GOLGA7B: variants seen among roughly 807,000 people sequenced by gnomAD.
GOLGA7B encodes golgin subfamily A member 7B.
A neutral mutation model predicts 21.5 loss-of-function variants in GOLGA7B; 17 were observed. That is an observed-to-expected ratio of 0.79 (90% CI 0.54 to 1.19). GOLGA7B has a LOEUF of 1.19. Among genes scored for constraint, GOLGA7B ranks in the 50% most tolerant of loss-of-function variants. The pLI, the probability that GOLGA7B is intolerant of heterozygous loss-of-function variation, is 0.00. For missense variants in GOLGA7B, 169 were observed against 224.4 expected (o/e 0.75, Z 1.58); for synonymous variants, 87 against 84.0 (o/e 1.04, Z -0.19).
rs1015763145 is a variant in GOLGA7B, at chr10:97,870,026, C to T, written c.*4326C>T. 1 of 152,168 alleles carries T rather than the reference C, an allele frequency of 6.6e-6. No homozygotes were observed. The highest frequency in any genetic ancestry group is 2.4e-5 in the African/African-American group (1 of 41,432). 9.4% of individuals were successfully genotyped at this position (152,168 alleles called of 1,614,324 possible). A position where few individuals can be genotyped will look rare whatever the true frequency, so the allele number is the denominator to read the frequency against. On this transcript the variant is annotated 3_prime_UTR_variant, in exon 5 of 5. Transcript: ENST00000370602. ...ATGAAGACTCTTGGAGCCTCAGATT[C>T]CCCAGTTGTTAAATAGGGAGACTAA...
Position 97,864,025 on chromosome 10 carries a change from C to G in GOLGA7B, c.234C>G (p.Cys78Trp). The G allele has an allele frequency of 3.1e-6, 5 of 1,614,220 alleles. No homozygotes were observed. The highest frequency in any genetic ancestry group is 4.2e-6 in the Non-Finnish European group (5 of 1,180,040). ...KIGGSSYLEG[C>W]LACATAYFIF... ...GGGGCAGCTCCTACCTCGAGGGCTG[C>G]CTGGCCTGCGCCACGGCCTACTTCA... Residue 78 changes from cysteine (C) to tryptophan (W), a missense_variant, in exon 3 of 5, where the codon TGC becomes TGG. Physicochemically the swap from Cys to Trp is radical, Grantham distance 215. Coordinates refer to ENST00000370602, the MANE Select transcript of GOLGA7B (RefSeq NM_001010917.3).
At chr10:97,856,195 G>A (rs575690051) in intron 1 of GOLGA7B, among the ~76,000 whole-genome samples, 1 of 152,238 alleles carries the variant, frequency 6.6e-6, no homozygotes, top group Non-Finnish European at 1.5e-5. Context: ...AGTGAACATT[G>A]TACCCGATGG....
At chr10:97,861,632 T>C (rs2049971723) in intron 2 of GOLGA7B, among the ~76,000 whole-genome samples, 1 of 152,214 alleles carries the variant, frequency 6.6e-6, no homozygotes, top group South Asian at 2.1e-4. Flanking sequence ...TAGGCTGCCC[T>C]AGAGTGGGCC....
intron 2 of GOLGA7B, among the ~76,000 whole-genome samples, chr10:97,861,752 G>A (rs2049972430): frequency 6.6e-6 from 1 of 152,196 alleles, no homozygotes; most frequent in Non-Finnish European, 1.5e-5. Flanking sequence ...GATATGACCC[G>A]GAGCCAGCTT....
At chr10:97,857,850 A>C (rs1440097079) in intron 1 of GOLGA7B, among the ~76,000 whole-genome samples, 1 of 152,238 alleles carries the variant, frequency 6.6e-6, no homozygotes, top group East Asian at 1.9e-4. Context: ...AAATAAAGCA[A>C]CATACCTATA....
chr10:97,862,948 G>A (rs933195571), intron 2 of GOLGA7B, among the ~76,000 whole-genome samples: 1 of 152,138 alleles, frequency 6.6e-6, no homozygotes, highest in Non-Finnish European at 1.5e-5. Context: ...CAAGAAGCAG[G>A]GGTACTGAGT....
chr10:97,865,761 C>A lies in GOLGA7B; in HGVS notation c.*61C>A. 2 of 1,279,402 alleles carry A rather than the reference C, an allele frequency of 1.6e-6. No individual in the cohort carries two copies. Among genetic ancestry groups the A allele is most frequent in the East Asian group, 5.0e-5 (1 of 20,142 alleles). The allele number at this position is 1,279,402 out of a possible 1,614,324, so 79.3% of individuals were successfully genotyped here. On this transcript the variant is annotated 3_prime_UTR_variant, in exon 5 of 5. Coordinates refer to ENST00000370602, the MANE Select transcript of GOLGA7B (RefSeq NM_001010917.3). ...GAGTGAGGGCCTTGCAGACCTGCGGCGGCTGCGCTACCAGAGCACCCGCTT... is the reference window on the plus strand; with the variant it reads ...GAGTGAGGGCCTTGCAGACCTGCGGAGGCTGCGCTACCAGAGCACCCGCTT...
At chr10:97,855,582 C>A (rs2049930281) in intron 1 of GOLGA7B, among the ~76,000 whole-genome samples, 1 of 152,176 alleles carries the variant, frequency 6.6e-6, no homozygotes, top group African/African-American at 2.4e-5. Flanking sequence ...CCACTTCCCA[C>A]AAAACTGCTA....
rs1290728510 is a variant in GOLGA7B at position 97,849,923 on chromosome 10, C to G, written c.-381C>G. The G allele has an allele frequency of 6.6e-6, 1 of 152,120 alleles. No homozygotes were observed. Among genetic ancestry groups the G allele is most frequent in the Non-Finnish European group, 1.5e-5 (1 of 68,064 alleles). 9.4% of individuals were successfully genotyped at this position (152,120 alleles called of 1,614,324 possible). On this transcript the variant is annotated 5_prime_UTR_variant, in exon 1 of 5. Coordinates refer to ENST00000370602, the MANE Select transcript of GOLGA7B (RefSeq NM_001010917.3). ...TCTGGGGGCCGCGGCTTCCCCCTCC[C>G]GGCCAGCGGCGGCTCCTGGCCCCTC...
Position 97,864,274 on chromosome 10 carries a change from C to A in GOLGA7B, c.393+5C>A. 5.0e-6 allele frequency: 8 copies of A among 1,610,480 alleles called. No individual in the cohort carries two copies. Among genetic ancestry groups the A allele is most frequent in the Non-Finnish European group, 6.8e-6 (8 of 1,176,680 alleles). ...GTGGAGCGTGGGATGAGGGTTGTAT[C>A]CTTCTGGGCTATTCTGTGTTGAGGG... On this transcript the variant is annotated splice_donor_5th_base_variant and intron_variant, in intron 4 of 4. Transcript: ENST00000370602.
intron 1 of GOLGA7B, among the ~76,000 whole-genome samples, chr10:97,854,998 C>A (rs940536997): frequency 6.6e-6 from 1 of 152,202 alleles, no homozygotes; most frequent in Non-Finnish European, 1.5e-5. Context: ...ATCAAGCCTA[C>A]ACATGGCATT....
intron 2 of GOLGA7B, among the ~76,000 whole-genome samples, chr10:97,860,000 T>C (rs1192714807): frequency 6.6e-6 from 1 of 152,224 alleles, no homozygotes; most frequent in Admixed American, 6.5e-5. Context: ...TAGAGGTTCC[T>C]GGGGAGCTTA....
chr10:97,865,480 C>T lies in GOLGA7B; in HGVS notation c.394-110C>T. The stretch of plus-strand genomic sequence containing the variant: ...GGCCTTTACATCCCTACTGTCTAGG[C>T]AGCAGCACAAGCCCACTTTCCCACT... On this transcript the variant is annotated intron_variant, in intron 4 of 4. Transcript: ENST00000370602. 5 of 1,544,132 alleles carry T rather than the reference C, an allele frequency of 3.2e-6. No homozygotes were observed. The Admixed American group carries it at 9.0e-5, about 28-fold the overall frequency.
Position 97,870,273 on chromosome 10 carries a change from A to C in GOLGA7B, c.*4573A>C, listed in dbSNP as rs956121576. On this transcript the variant is annotated 3_prime_UTR_variant, in exon 5 of 5. Coordinates refer to ENST00000370602, the MANE Select transcript of GOLGA7B (RefSeq NM_001010917.3). ...GGTTTTGACAGTACCTATAGCCTAT[A>C]AGCCTTTAATACACCTCTGAAAATG... 1 of 152,192 alleles carries C rather than the reference A, an allele frequency of 6.6e-6. No homozygotes were observed. The highest frequency in any genetic ancestry group is 2.4e-5 in the African/African-American group (1 of 41,436). The allele number at this position is 152,192 out of a possible 1,614,324, so 9.4% of individuals were successfully genotyped here. A position where few individuals can be genotyped will look rare whatever the true frequency, so the allele number is the denominator to read the frequency against.
chr10:97,850,358 C>T, intron 1 of GOLGA7B, 43 bp downstream of exon 1: 1 of 1,497,750 alleles, frequency 6.7e-7, no homozygotes, highest in Non-Finnish European at 8.9e-7. Flanking sequence ...CCGATTGCCG[C>T]GGGACCAAAT....
At chr10:97,857,811 A>C (rs2136514814) in intron 1 of GOLGA7B, among the ~76,000 whole-genome samples, 1 of 152,374 alleles carries the variant, frequency 6.6e-6, no homozygotes, top group African/African-American at 2.4e-5. Context: ...ATAGACACAT[A>C]GACCAATGGA....
At position 97,869,693 on chromosome 10, in the gene GOLGA7B, T is replaced by C. The variant is rs1346577786; in HGVS notation, c.*3993T>C. ...TGGAGACAGAAAGAACTATGGCTGT[T>C]GTGACACGTCCCCCACGGCTCCCCG... On this transcript the variant is annotated 3_prime_UTR_variant, in exon 5 of 5. Coordinates refer to ENST00000370602, the MANE Select transcript of GOLGA7B (RefSeq NM_001010917.3). 2.0e-5 allele frequency: 3 copies of C among 152,312 alleles called. No homozygotes were observed. Among genetic ancestry groups the C allele is most frequent in the Non-Finnish European group, 4.4e-5 (3 of 68,112 alleles). The allele number at this position is 152,312 out of a possible 1,614,324, so 9.4% of individuals were successfully genotyped here. A position where few individuals can be genotyped will look rare whatever the true frequency, so the allele number is the denominator to read the frequency against.
intron 1 of GOLGA7B, among the ~76,000 whole-genome samples, chr10:97,855,172 G>A (rs982984564): frequency 6.6e-6 from 1 of 152,192 alleles, no homozygotes; most frequent in African/African-American, 2.4e-5. Flanking sequence ...ACAAATATGT[G>A]TGTACACATG....
chr10:97,854,180 C>A (rs2049921282), intron 1 of GOLGA7B, among the ~76,000 whole-genome samples: 1 of 152,186 alleles, frequency 6.6e-6, no homozygotes, highest in African/African-American at 2.4e-5. Context: ...TATTGCTCAG[C>A]CCCTGTAAAC....
Sources: allele counts gnomAD v4.1 joint callset (sites outside exome capture counted in the v4.1 genomes callset), GRCh38; gene constraint gnomAD v4.1.1; transcripts MANE v1.5; gene names NCBI Gene and HGNC (gene_info 2026-07-23, HGNC 2026-07-21).